Variants in MTA3 observed in about 807,000 individuals in gnomAD.
The protein encoded by MTA3 is metastasis associated 1 family member 3.
MTA3 carries 34 observed loss-of-function variants against 83.5 expected under a neutral mutation model. The ratio of observed to expected loss-of-function variants is 0.41; its 90% CI spans 0.31 to 0.54. MTA3 has a LOEUF of 0.54. Ranked by LOEUF, MTA3 falls within the 20% of genes least tolerant of loss-of-function variation. The pLI, the probability that MTA3 is intolerant of heterozygous loss-of-function variation, is 0.33. For missense variants in MTA3, 761 were observed against 726.4 expected (o/e 1.05, Z -0.55); for synonymous variants, 303 against 252.7 (o/e 1.20, Z -1.89).
intron 16 of MTA3, among the ~76,000 whole-genome samples, chr2:42,738,606 A>G (rs1160261422): frequency 1.3e-5 from 2 of 152,244 alleles, no homozygotes; most frequent in Non-Finnish European, 2.9e-5. Flanking sequence ...GAAAAACAGG[A>G]TAACAGCAAT....
intron 2 of MTA3, among the ~76,000 whole-genome samples, chr2:42,571,714 G>T (rs1039365689): frequency 6.7e-5 from 10 of 149,758 alleles, no homozygotes; most frequent in Non-Finnish European, 1.5e-4. Context: ...TTGGGAGGTC[G>T]AGGCGGGCGG....
chr2:42,692,601 AT>A (rs1693003915), intron 9 of MTA3, among the ~76,000 whole-genome samples: 1 of 151,820 alleles, frequency 6.6e-6, no homozygotes, highest in East Asian at 1.9e-4. Flanking sequence ...ATTTTTTAGT[AT>A]TTTTAGTAGA....
intron 6 of MTA3, among the ~76,000 whole-genome samples, chr2:42,652,268 G>A (rs979956464): frequency 5.3e-5 from 8 of 152,076 alleles, no homozygotes; most frequent in African/African-American, 1.9e-4. Flanking sequence ...TCTTTTTCCT[G>A]TAAGTTAGTC....
rs1285913767 is a variant in MTA3, at chr2:42,508,432, A to G, written c.-141+13178A>G. 2.0e-5 allele frequency among the ~76,000 whole-genome samples: 3 copies of G among 151,996 alleles called. No homozygotes were observed. The East Asian group carries it at 5.8e-4, about 29-fold the overall frequency. ...TTGCAGCCTCAACCTCCTGGGCTCA[A>G]GCGATCCTCCCACCTCAGCCCCCTG... On this transcript the variant is annotated intron_variant, in intron 2 of 17. Transcript: ENST00000405592.
intron 9 of MTA3, among the ~76,000 whole-genome samples, chr2:42,691,696 G>A (rs1692915353): frequency 6.6e-6 from 1 of 152,032 alleles, no homozygotes; most frequent in African/African-American, 2.4e-5. Context: ...ACTTCTTATT[G>A]GACAGGTCTA....
intron 2 of MTA3, among the ~76,000 whole-genome samples, chr2:42,550,814 G>T (rs1677072958): frequency 6.6e-6 from 1 of 152,092 alleles, no homozygotes. Flanking sequence ...GGCCAAGGTG[G>T]GTGGATCAAC....
At chr2:42,674,941 C>G (rs757110619) in intron 8 of MTA3, among the ~76,000 whole-genome samples, 2 of 150,614 alleles carry the variant, frequency 1.3e-5, no homozygotes, top group South Asian at 4.2e-4. Flanking sequence ...AGGCACTCAA[C>G]ACTGTGCCCA....
chr2:42,635,255 C>G (rs894367267), intron 4 of MTA3, among the ~76,000 whole-genome samples: 1 of 152,046 alleles, frequency 6.6e-6, no homozygotes, highest in Non-Finnish European at 1.5e-5. Context: ...TAAATGCTGT[C>G]AAAACTGTCT....
chr2:42,670,372 A>G (rs1041445229), intron 8 of MTA3, among the ~76,000 whole-genome samples: 11 of 152,152 alleles, frequency 7.2e-5, no homozygotes, highest in Admixed American at 7.2e-4. Flanking sequence ...TCTTTACCAC[A>G]TTTGCTTTAT....
intron 16 of MTA3, among the ~76,000 whole-genome samples, chr2:42,748,066 G>T (rs1669574239): frequency 6.6e-6 from 1 of 152,076 alleles, no homozygotes; most frequent in Admixed American, 6.5e-5. Flanking sequence ...GTCTCCCTCT[G>T]TCGCCAGGTG....
At chr2:42,652,175 G>A (rs1688780381) in intron 6 of MTA3, among the ~76,000 whole-genome samples, 1 of 152,168 alleles carries the variant, frequency 6.6e-6, no homozygotes, top group Admixed American at 6.5e-5. Flanking sequence ...GCCTTGTTAC[G>A]TGGATGAACC....
At chr2:42,714,054 C>T (rs1379522089) in intron 14 of MTA3, among the ~76,000 whole-genome samples, 2 of 152,210 alleles carry the variant, frequency 1.3e-5, no homozygotes, top group African/African-American at 4.8e-5. Context: ...ATTCCTATTT[C>T]TCTAGAACTT....
At chr2:42,526,563 C>A (rs566674635) in intron 2 of MTA3, among the ~76,000 whole-genome samples, 1 of 152,280 alleles carries the variant, frequency 6.6e-6, no homozygotes, top group East Asian at 1.9e-4. Flanking sequence ...TGGCAGACGG[C>A]TTGTGACATT....
rs116487722 is a variant in MTA3 at position 42,614,578 on chromosome 2, C to G, written c.317+4994C>G. ...TTATCTCATCTCTAAACCTACCCTTCCATTATCTGCTTTGTGATGCTCGGG... is the reference window on the plus strand; with the variant it reads ...TTATCTCATCTCTAAACCTACCCTTGCATTATCTGCTTTGTGATGCTCGGG... On this transcript the variant is annotated intron_variant, in intron 4 of 16. Coordinates refer to ENST00000405094, the MANE Select transcript of MTA3 (RefSeq NM_001330442.2). Among the ~76,000 whole-genome samples, 192 of 152,276 alleles carry G rather than the reference C, an allele frequency of 1.3e-3. 1 individual carries two copies. Among genetic ancestry groups the G allele is most frequent in the African/African-American group, 4.5e-3 (185 of 41,568 alleles).
intron 5 of MTA3, among the ~76,000 whole-genome samples, chr2:42,641,532 C>G (rs972773939): frequency 3.3e-5 from 5 of 152,032 alleles, no homozygotes; most frequent in Non-Finnish European, 5.9e-5. Flanking sequence ...GCAAAACATT[C>G]CATGCATTTC....
chr2:42,621,783 G>GTCTCT (rs1685572811), intron 4 of MTA3, among the ~76,000 whole-genome samples: 1 of 151,730 alleles, frequency 6.6e-6, no homozygotes, highest in Admixed American at 6.6e-5. Context: ...CAGACGGGGC[G>GTCTCT]GCTGGGCAGA....
chr2:42,662,666 T>C (rs1403284590), intron 8 of MTA3, among the ~76,000 whole-genome samples: 3 of 151,964 alleles, frequency 2.0e-5, no homozygotes, highest in Non-Finnish European at 4.4e-5. Flanking sequence ...TATGTGAACT[T>C]TCTTTTTAAC....
At chr2:42,705,864 TA>T (rs1178730464) in intron 12 of MTA3, among the ~76,000 whole-genome samples, 1 of 152,242 alleles carries the variant, frequency 6.6e-6, no homozygotes, top group East Asian at 1.9e-4. Context: ...ATCTCCATGA[TA>T]AAATGTTATC....
At chr2:42,656,177 C>A (rs1469912078) in intron 6 of MTA3, 23 bp from the exon 7 acceptor site, 5 of 1,560,184 alleles carry the variant, frequency 3.2e-6, no homozygotes, top group African/African-American at 1.4e-5. Flanking sequence ...TAACAAGACT[C>A]CATTTTATTT....
Sources: gnomAD v4.1 joint callset for allele counts (sites outside exome capture counted in the v4.1 genomes callset) on GRCh38, gnomAD v4.1.1 for gene constraint, MANE v1.5 for transcripts, NCBI Gene and HGNC (gene_info 2026-07-23, HGNC 2026-07-21) for gene names.